Variants in NTRK3 observed in about 807,000 individuals in gnomAD.
The protein encoded by NTRK3 is neurotrophic receptor tyrosine kinase 3, also known as NT-3 growth factor receptor.
Under a neutral mutation model 91.7 loss-of-function variants are expected in NTRK3, and 24 were observed. That is an observed-to-expected ratio of 0.26 (90% confidence interval 0.19 to 0.37). The LOEUF (loss-of-function observed/expected upper bound fraction) is 0.37, where lower values mean the gene tolerates loss of function less well. Ranked by LOEUF, NTRK3 falls within the 10% of genes least tolerant of loss-of-function variation. The pLI is 1.00. For synonymous variants in NTRK3, 483 were observed against 404.0 expected, an observed-to-expected ratio of 1.20 and a Z score of -2.34; for missense variants, 880 against 1,068.9, an observed-to-expected ratio of 0.82 and a Z score of 2.46.
intron 13 of NTRK3, among the ~76,000 whole-genome samples, chr15:88,103,873 A>G (rs2050425229): frequency 6.6e-6 from 1 of 152,224 alleles, no homozygotes; most frequent in Admixed American, 6.5e-5. Context: ...TATATCCTAG[A>G]GGTTGTGGCT....
intron 14 of NTRK3, among the ~76,000 whole-genome samples, chr15:87,955,306 T>C (rs961685485): frequency 2.0e-5 from 3 of 152,192 alleles, no homozygotes; most frequent in African/African-American, 7.2e-5. Flanking sequence ...CTGCAGAAGT[T>C]CTGCCTGCCA....
At position 88,241,096 on chromosome 15, in the gene NTRK3, C is replaced by T. The variant is rs2052308114; in HGVS notation, c.248+14810G>A. 6.6e-6 allele frequency among the ~76,000 whole-genome samples: 1 copy of T among 152,300 alleles called. No individual in the cohort carries two copies. Among genetic ancestry groups the T allele is most frequent in the African/African-American group, 2.4e-5 (1 of 41,578 alleles). Reference sequence around the variant, plus strand: ...GCCTCAATGCCAGCCTTCAGGAGCTCACCACACAGTGAGGAAACAGGAACA... The same window carrying T: ...GCCTCAATGCCAGCCTTCAGGAGCTTACCACACAGTGAGGAAACAGGAACA... On this transcript the variant is annotated intron_variant, in intron 3 of 18. Transcript: ENST00000394480. The surrounding 1 kb of genome is among the most constrained non-coding windows in gnomAD (Gnocchi z 4.3).
At chr15:88,107,877 G>A (rs911968731) in intron 13 of NTRK3, among the ~76,000 whole-genome samples, 1 of 152,018 alleles carries the variant, frequency 6.6e-6, no homozygotes, top group African/African-American at 2.4e-5. Context: ...GGGCATCCAA[G>A]AGACCAACAA....
At chr15:87,978,675 G>C (rs2073932375) in intron 14 of NTRK3, 2 of 232,740 alleles carry the variant, frequency 8.6e-6, no homozygotes, top group East Asian at 1.2e-4. Context: ...GAGAGAAGAG[G>C]AAGTAGGGGG....
At chr15:88,111,261 G>T (rs574605531) in intron 13 of NTRK3, among the ~76,000 whole-genome samples, 1 of 152,172 alleles carries the variant, frequency 6.6e-6, no homozygotes, top group Non-Finnish European at 1.5e-5. Flanking sequence ...GACCTCAGGT[G>T]CAATATGGAA....
At chr15:88,048,692 G>T (rs1416921693) in intron 13 of NTRK3, among the ~76,000 whole-genome samples, 2 of 152,190 alleles carry the variant, frequency 1.3e-5, no homozygotes, top group Admixed American at 6.5e-5. Flanking sequence ...AAGATAAAAT[G>T]TAGGCTATGT....
chr15:88,160,521 C>T (rs930075937), intron 5 of NTRK3, among the ~76,000 whole-genome samples: 1 of 152,200 alleles, frequency 6.6e-6, no homozygotes, highest in Non-Finnish European at 1.5e-5. Context: ...GACCTCCTGC[C>T]CTGCCCCTTT....
intron 13 of NTRK3, among the ~76,000 whole-genome samples, chr15:88,087,474 G>A (rs16941241): frequency 0.026 from 3,987 of 152,214 alleles, 165 homozygotes; most frequent in African/African-American, 0.085. Flanking sequence ...CATGAATTCC[G>A]GTCCTTAGCC....
rs371136345 is a variant in NTRK3 at position 88,147,331 on chromosome 15, T to C, written c.464+4A>G. The C allele has an allele frequency of 6.2e-7, 1 of 1,613,362 alleles. No individual in the cohort carries two copies. The highest frequency in any genetic ancestry group is 8.5e-7 in the Non-Finnish European group (1 of 1,179,464). On this transcript the variant is annotated splice_donor_region_variant and intron_variant, in intron 6 of 18. Transcript: ENST00000394480. ...ACCTGGACAGTCTTCAAAACCAAAC[T>C]TACAATTCCCGAAGACTCAGCGTCT... is the stretch of plus-strand genomic sequence containing the variant.
chr15:88,101,032 A>C lies in NTRK3; in HGVS notation c.1396+25239T>G, dbSNP rs974269441. 1.6e-4 allele frequency among the ~76,000 whole-genome samples: 24 copies of C among 152,354 alleles called. No homozygotes were observed. The South Asian group carries it at 5.0e-3, about 32-fold the overall frequency. On this transcript the variant is annotated intron_variant, in intron 13 of 18. Coordinates refer to ENST00000394480, the Ensembl canonical transcript of NTRK3. ...TTGACAAATGGGATCTAATTAAACT[A>C]AAGAGCTGCTGCACAGCAAAAGAAA...
chr15:87,937,263 G>A lies in NTRK3; in HGVS notation c.1716+3360C>T, dbSNP rs138024630. On this transcript the variant is annotated intron_variant, in intron 15 of 18. Coordinates refer to ENST00000394480, the Ensembl canonical transcript of NTRK3. The stretch of plus-strand genomic sequence containing the variant: ...AAACTCATTCATGACAACTAAACCT[G>A]CTAATGTAATTACTTAATGTAATGA... 1.0e-3 allele frequency among the ~76,000 whole-genome samples: 156 copies of A among 152,280 alleles called. 1 individual carries two copies. The highest frequency in any genetic ancestry group is 1.5e-4 in the Non-Finnish European group (10 of 68,028).
chr15:88,020,674 C>A (rs999904), intron 14 of NTRK3, among the ~76,000 whole-genome samples: 39,324 of 152,094 alleles, frequency 0.26, 5,741 homozygotes, highest in South Asian at 0.4. Flanking sequence ...AAGGTGGTCA[C>A]CTTTTCTTAT....
intron 13 of NTRK3, among the ~76,000 whole-genome samples, chr15:88,087,383 T>C (rs1393689238): frequency 6.6e-6 from 1 of 152,102 alleles, no homozygotes; most frequent in African/African-American, 2.4e-5. Context: ...CTAGGTCCCA[T>C]CTCCCTTGCA....
intron 3 of NTRK3, among the ~76,000 whole-genome samples, chr15:88,187,262 G>C (rs761685748): frequency 6.6e-6 from 1 of 152,200 alleles, no homozygotes; most frequent in African/African-American, 2.4e-5. Flanking sequence ...AACTGTTCCA[G>C]CAGGAGTTTA....
intron 17 of NTRK3, among the ~76,000 whole-genome samples, chr15:87,909,848 T>C (rs1204982134): frequency 6.6e-6 from 1 of 152,142 alleles, no homozygotes; most frequent in Non-Finnish European, 1.5e-5. Flanking sequence ...CAGGCAGCCA[T>C]GTGCAAGACA....
intron 5 of NTRK3, among the ~76,000 whole-genome samples, chr15:88,156,362 A>G (rs16941341): frequency 3.9e-5 from 6 of 152,132 alleles, no homozygotes; most frequent in Non-Finnish European, 8.8e-5. Context: ...TGCTTGGCCC[A>G]CCTAATCAAG....
exon 19 of NTRK3, chr15:87,871,852 C>T (rs929126002): frequency 1.0e-4 from 23 of 222,304 alleles, no homozygotes; most frequent in African/African-American, 4.9e-4. Flanking sequence ...TTAGAAGACA[C>T]TCCCAGTATT....
At chr15:88,194,030 T>C (rs2047619048) in intron 3 of NTRK3, among the ~76,000 whole-genome samples, 1 of 152,232 alleles carries the variant, frequency 6.6e-6, no homozygotes, top group Non-Finnish European at 1.5e-5. Flanking sequence ...CAGTGATTTT[T>C]ATGTTTGCAA....
chr15:88,181,724 G>T (rs1446818059), intron 5 of NTRK3, among the ~76,000 whole-genome samples: 1 of 152,174 alleles, frequency 6.6e-6, no homozygotes, highest in Non-Finnish European at 1.5e-5. Flanking sequence ...TAAAACTTGA[G>T]TTGTTTCACG....
Sources: allele counts gnomAD v4.1 joint callset (sites outside exome capture counted in the v4.1 genomes callset), GRCh38; gene constraint gnomAD v4.1.1; non-coding constraint Gnocchi (gnomAD v3.1); transcripts MANE v1.5; gene names NCBI Gene and HGNC (gene_info 2026-07-23, HGNC 2026-07-21).